The following KDM4A variants were observed in gnomAD, a reference collection of about 807,000 sequenced individuals.
KDM4A encodes the protein lysine demethylase 4A.
KDM4A carries 23 observed loss-of-function variants against 127.1 expected under a neutral mutation model. The ratio of observed to expected loss-of-function variants is 0.18; its 90% CI spans 0.13 to 0.26. The LOEUF is 0.26. KDM4A is among the 10% of genes least tolerant of loss of function. The pLI, the probability that KDM4A is intolerant of heterozygous loss-of-function variation, is 1.00. For missense variants in KDM4A, 890 were observed against 1,329.1 expected, an observed-to-expected ratio of 0.67 and a Z score of 5.14; for synonymous variants, 443 against 466.5, an observed-to-expected ratio of 0.95 and a Z score of 0.65.
chr1:43,704,074 C>CT lies in KDM4A; in HGVS notation c.3017dup (p.Asp1007GlyfsTer2). 6.2e-7 allele frequency: 1 copy of CT among 1,614,110 alleles called. No homozygotes were observed. Among genetic ancestry groups the CT allele is most frequent in the Non-Finnish European group, 8.5e-7 (1 of 1,180,002 alleles). On this transcript the variant is annotated frameshift_variant, in exon 21 of 22. Transcript: ENST00000372396. LOFTEE classifies it high-confidence loss of function. The stretch of plus-strand genomic sequence containing the variant: ...GGTTAAGAGAGATGATGTATACACA[C>CT]TGGATGAAGAGCTTCCCAAGAGAGT...
intron 1 of KDM4A, 104 bp from the exon 2 acceptor site, chr1:43,653,033 G>T (rs915675249): frequency 3.2e-6 from 2 of 621,692 alleles, no homozygotes; most frequent in Non-Finnish European, 4.9e-6. Flanking sequence ...TCTTAACTGT[G>T]TCTTTTGAAT....
chr1:43,690,566 A>C, intron 13 of KDM4A: 1 of 489,582 alleles, frequency 2.0e-6, no homozygotes, highest in South Asian at 2.2e-5. Flanking sequence ...CATTTTATTA[A>C]CCACTTTCTT....
intron 11 of KDM4A, among the ~76,000 whole-genome samples, chr1:43,672,800 A>G (rs905341985): frequency 2.0e-5 from 3 of 152,122 alleles, no homozygotes; most frequent in African/African-American, 7.2e-5. Context: ...GGCCTTTTCA[A>G]CTGGGGTAGG....
At chr1:43,656,467 A>G (rs917690650) in intron 3 of KDM4A, among the ~76,000 whole-genome samples, 4 of 148,816 alleles carry the variant, frequency 2.7e-5, no homozygotes, top group Non-Finnish European at 5.9e-5. Flanking sequence ...CCTCCCAAGT[A>G]GCTGGGACTA....
intron 11 of KDM4A, among the ~76,000 whole-genome samples, chr1:43,681,613 C>T (rs1346421230): frequency 6.6e-6 from 1 of 152,174 alleles, no homozygotes; most frequent in Non-Finnish European, 1.5e-5. Context: ...GCTAGAAATC[C>T]CCACCGTTTC....
rs1661526535 is a variant in KDM4A at position 43,705,322 on chromosome 1, T to C, written c.*952T>C. ...GGACTAGAGGGCAATACTGAAGGGGTTAAACAGGTTTTTGCTCCTCAAGAA... is the reference window on the plus strand; with the variant it reads ...GGACTAGAGGGCAATACTGAAGGGGCTAAACAGGTTTTTGCTCCTCAAGAA... On this transcript the variant is annotated 3_prime_UTR_variant, in exon 22 of 22. Coordinates refer to ENST00000372396, the MANE Select transcript of KDM4A (RefSeq NM_014663.3). The C allele has an allele frequency of 6.6e-6, 1 of 151,212 alleles. No homozygotes were observed. Among genetic ancestry groups the C allele is most frequent in the South Asian group, 2.1e-4 (1 of 4,754 alleles). 9.4% of individuals were successfully genotyped at this position (151,212 alleles called of 1,614,324 possible).
intron 3 of KDM4A, among the ~76,000 whole-genome samples, chr1:43,657,554 G>T (rs1292574447): frequency 6.6e-6 from 1 of 152,018 alleles, no homozygotes; most frequent in African/African-American, 2.4e-5. Context: ...ACCGATGAGA[G>T]AATTTACATA....
intron 18 of KDM4A, among the ~76,000 whole-genome samples, chr1:43,695,504 AGT>A (rs1661220407): frequency 6.6e-6 from 1 of 152,280 alleles, no homozygotes; most frequent in South Asian, 2.1e-4. Flanking sequence ...TGGTTATGGG[AGT>A]GTGACGGTGT....
intron 2 of KDM4A, chr1:43,653,931 T>A (rs1660175346): frequency 6.6e-6 from 1 of 152,256 alleles, no homozygotes; most frequent in Non-Finnish European, 1.5e-5. Context: ...GGCAGGGACC[T>A]CAGTCTAAGC....
At chr1:43,695,474 G>T (rs1661219822) in intron 18 of KDM4A, among the ~76,000 whole-genome samples, 1 of 152,224 alleles carries the variant, frequency 6.6e-6, no homozygotes, top group African/African-American at 2.4e-5. Context: ...ACAGGTCGCA[G>T]AAGAAGGATC....
Position 43,705,397 on chromosome 1 carries a change from T to C in KDM4A, c.*1027T>C, listed in dbSNP as rs1470627158. ...GAGGGCTTCACACCAATACCCTGTG[T>C]ATACAAGAATCAGATTTATAATACT... On this transcript the variant is annotated 3_prime_UTR_variant, in exon 22 of 22. Transcript: ENST00000372396. 1 of 152,600 alleles carries C rather than the reference T, an allele frequency of 6.6e-6. No homozygotes were observed. Among genetic ancestry groups the C allele is most frequent in the African/African-American group, 2.4e-5 (1 of 41,450 alleles). The allele number at this position is 152,600 out of a possible 1,614,324, so 9.5% of individuals were successfully genotyped here.
intron 11 of KDM4A, among the ~76,000 whole-genome samples, chr1:43,674,577 T>A (rs1660699526): frequency 6.6e-6 from 1 of 150,484 alleles, no homozygotes; most frequent in African/African-American, 2.5e-5. Context: ...AGTGCAGTGG[T>A]GTAATCTTGG....
intron 12 of KDM4A, among the ~76,000 whole-genome samples, chr1:43,685,729 C>T (rs1291946328): frequency 1.3e-5 from 2 of 152,160 alleles, no homozygotes; most frequent in South Asian, 2.1e-4. Context: ...GACCATGCCA[C>T]TGCACTCCAG....
At chr1:43,668,403 G>A (rs1660547598) in intron 9 of KDM4A, among the ~76,000 whole-genome samples, 1 of 152,164 alleles carries the variant, frequency 6.6e-6, no homozygotes, top group South Asian at 2.1e-4. Context: ...GGGATTACAG[G>A]TGTGAGCCAC....
intron 11 of KDM4A, among the ~76,000 whole-genome samples, chr1:43,674,049 C>T (rs552185223): frequency 3.3e-5 from 5 of 152,310 alleles, no homozygotes; most frequent in South Asian, 2.1e-4. Context: ...TCAACCCATC[C>T]TCCCCACCTC....
chr1:43,688,873 G>C lies in KDM4A; in HGVS notation c.1856-41G>C. The C allele has an allele frequency of 2.5e-6, 4 of 1,577,986 alleles. No homozygotes were observed. On this transcript the variant is annotated intron_variant, in intron 12 of 21. Coordinates refer to ENST00000372396, the MANE Select transcript of KDM4A (RefSeq NM_014663.3). The surrounding 1 kb of genome is among the most constrained non-coding windows in gnomAD (Gnocchi z 4.4). ...GTTCTCCAGGCAGAGCCACAGATGT[G>C]CAGGGTTAGTGCTGACTCACACTTC... is the stretch of plus-strand genomic sequence containing the variant.
chr1:43,699,173 G>A (rs1661320851), intron 19 of KDM4A, among the ~76,000 whole-genome samples: 1 of 150,090 alleles, frequency 6.7e-6, no homozygotes, highest in Non-Finnish European at 1.5e-5. Flanking sequence ...CATAGCTCCT[G>A]CAATCTCAAA....
At position 43,665,754 on chromosome 1, in the gene KDM4A, T is replaced by C. The variant is rs772827417; in HGVS notation, c.673+9T>C. 6.2e-7 allele frequency: 1 copy of C among 1,613,822 alleles called. No individual in the cohort carries two copies. Among genetic ancestry groups the C allele is most frequent in the East Asian group, 2.2e-5 (1 of 44,882 alleles). ...GGAACGCCTCGCCAAAGGTACTGTG[T>C]CTCTTCTGTTTGCTGGATTGGACCC... On this transcript the variant is annotated intron_variant, in intron 6 of 21. Coordinates refer to ENST00000372396, the MANE Select transcript of KDM4A (RefSeq NM_014663.3).
intron 11 of KDM4A, among the ~76,000 whole-genome samples, chr1:43,676,298 G>A (rs1204501267): frequency 6.6e-6 from 1 of 152,038 alleles, no homozygotes; most frequent in Non-Finnish European, 1.5e-5. Context: ...TTAGAAAGAT[G>A]CAGAGCGAAT....
Sources: gnomAD v4.1 joint callset for allele counts (sites outside exome capture counted in the v4.1 genomes callset) on GRCh38, gnomAD v4.1.1 for gene constraint, Gnocchi (gnomAD v3.1) non-coding constraint, MANE v1.5 for transcripts, NCBI Gene and HGNC (gene_info 2026-07-23, HGNC 2026-07-21) for gene names.